The following ARB2A variants were observed in gnomAD, a reference collection of about 807,000 sequenced individuals.
The protein encoded by ARB2A is cotranscriptional regulator ARB2A.
At chr5:94,057,451 G>A in the ARB2A span, among the ~76,000 whole-genome samples, 1 of 152,092 alleles carries the variant, frequency 6.6e-6, no homozygotes, top group Non-Finnish European at 1.5e-5. Flanking sequence ...GCAGAGTTCA[G>A]GAGATGGATG....
chr5:93,671,643 T>A, the ARB2A span, among the ~76,000 whole-genome samples: 6 of 152,170 alleles, frequency 3.9e-5, no homozygotes, highest in Non-Finnish European at 7.4e-5. Flanking sequence ...GGACATTTAA[T>A]ACTTCTTTCC....
At chr5:93,739,031 T>C in the ARB2A span, 2 of 152,230 alleles carry the variant, frequency 1.3e-5, no homozygotes, top group East Asian at 3.8e-4. Context: ...CACACCTGAC[T>C]TGTGTGACAG....
the ARB2A span, among the ~76,000 whole-genome samples, chr5:93,789,910 T>C: frequency 1.3e-5 from 2 of 152,220 alleles, no homozygotes; most frequent in Admixed American, 6.5e-5. Context: ...CTTCAGTAGA[T>C]AAAATGTGAA....
chr5:93,947,977 G>A, the ARB2A span, among the ~76,000 whole-genome samples: 4 of 152,032 alleles, frequency 2.6e-5, no homozygotes, highest in Non-Finnish European at 5.9e-5. Flanking sequence ...AAACATATGT[G>A]TGCATGTGTC....
chr5:93,823,828 G>A, the ARB2A span, among the ~76,000 whole-genome samples: 1 of 151,990 alleles, frequency 6.6e-6, no homozygotes, highest in East Asian at 1.9e-4. Context: ...GGTGGTGCAT[G>A]CCTGTAATCC....
At chr5:93,680,832 A>C in the ARB2A span, among the ~76,000 whole-genome samples, 2 of 152,170 alleles carry the variant, frequency 1.3e-5, no homozygotes, top group Admixed American at 1.3e-4. Context: ...GTCTGGACTA[A>C]ATGATGTCTC....
At chr5:93,960,059 GA>G in the ARB2A span, among the ~76,000 whole-genome samples, 1,587 of 134,414 alleles carry the variant, frequency 0.012, 43 homozygotes, top group African/African-American at 0.045. Context: ...ATCAAAATAG[GA>G]AGTATACAAA....
chr5:93,728,687 A>G, the ARB2A span, among the ~76,000 whole-genome samples: 2 of 152,100 alleles, frequency 1.3e-5, no homozygotes, highest in African/African-American at 4.8e-5. Context: ...GTACTAAATT[A>G]CATTAGTTCC....
the ARB2A span, chr5:93,776,156 T>C: frequency 6.2e-7 from 1 of 1,605,610 alleles, no homozygotes; most frequent in South Asian, 1.1e-5. Context: ...ATCAAACACA[T>C]ACCTGCTGAG....
chr5:93,904,873 C>A, the ARB2A span, among the ~76,000 whole-genome samples: 3 of 151,576 alleles, frequency 2.0e-5, no homozygotes, highest in South Asian at 6.2e-4. Flanking sequence ...ACACCCTTGA[C>A]AAAATTTTTC....
chr5:93,949,610 G>A, the ARB2A span, among the ~76,000 whole-genome samples: 1 of 151,774 alleles, frequency 6.6e-6, no homozygotes, highest in East Asian at 1.9e-4. Context: ...AGGTAAACGG[G>A]GTGTCCATCA....
the ARB2A span, among the ~76,000 whole-genome samples, chr5:93,992,329 T>C: frequency 1.3e-5 from 2 of 151,524 alleles, no homozygotes; most frequent in African/African-American, 4.8e-5. Context: ...GAAGTAGAAA[T>C]ACAATGTTAT....
At chr5:93,871,466 T>C in the ARB2A span, among the ~76,000 whole-genome samples, 112 of 152,290 alleles carry the variant, frequency 7.4e-4, no homozygotes, top group Non-Finnish European at 1.0e-3. Context: ...GGGTATAGCA[T>C]CAAAGAAGAA....
the ARB2A span, among the ~76,000 whole-genome samples, chr5:93,675,642 T>C: frequency 6.6e-6 from 1 of 152,194 alleles, no homozygotes; most frequent in Non-Finnish European, 1.5e-5. Flanking sequence ...CAAACATGAA[T>C]TGCAAGTACC....
the ARB2A span, chr5:93,964,386 T>C: frequency 8.5e-7 from 1 of 1,171,032 alleles, no homozygotes; most frequent in Non-Finnish European, 1.2e-6. Context: ...AGTTTTCTTC[T>C]GAATTAAAAA....
At chr5:93,634,053 G>A in the ARB2A span, among the ~76,000 whole-genome samples, 1 of 152,076 alleles carries the variant, frequency 6.6e-6, no homozygotes, top group Non-Finnish European at 1.5e-5. Context: ...GTGAACCACT[G>A]GGCTTGGTCG....
chr5:93,929,701 C>A, the ARB2A span, among the ~76,000 whole-genome samples: 4 of 152,208 alleles, frequency 2.6e-5, no homozygotes, highest in African/African-American at 9.6e-5. Flanking sequence ...GAAATAAACT[C>A]TTTTAGGTAC....
the ARB2A span, among the ~76,000 whole-genome samples, chr5:93,868,013 A>C: frequency 6.6e-6 from 1 of 152,192 alleles, no homozygotes; most frequent in African/African-American, 2.4e-5. Flanking sequence ...GCAAATACAC[A>C]TATGTAATTC....
chr5:93,938,480 T>C, the ARB2A span, among the ~76,000 whole-genome samples: 1 of 152,218 alleles, frequency 6.6e-6, no homozygotes, highest in African/African-American at 2.4e-5. Context: ...GCTTTAAACT[T>C]AATATATTGT....
Sources: allele counts gnomAD v4.1 joint callset (sites outside exome capture counted in the v4.1 genomes callset), GRCh38; gene constraint gnomAD v4.1.1; transcripts MANE v1.5; gene names NCBI Gene and HGNC (gene_info 2026-07-23, HGNC 2026-07-21).